Variants in MASP1 observed in about 807,000 individuals in gnomAD.
The protein encoded by MASP1 is mannan-binding lectin serine protease 1.
Under a neutral mutation model 77.1 loss-of-function variants are expected in MASP1, and 59 were observed. The ratio of observed to expected loss-of-function variants is 0.77; its 90% CI spans 0.62 to 0.95. MASP1 has a LOEUF of 0.95. Among genes scored for constraint, MASP1 ranks in the 40% least tolerant of loss-of-function variants. The pLI is 0.00. For synonymous variants in MASP1, 362 were observed against 354.5 expected, an observed-to-expected ratio of 1.02 and a Z score of -0.24; for missense variants, 885 against 912.9, an observed-to-expected ratio of 0.97 and a Z score of 0.39.
intron 4 of MASP1, 31 bp from the exon 5 acceptor site, chr3:187,256,891 A>T: frequency 6.3e-7 from 1 of 1,595,472 alleles, no homozygotes; most frequent in Non-Finnish European, 8.6e-7. Flanking sequence ...AAAATGGCGC[A>T]TCGCAACCAC....
At chr3:187,240,686 C>T (rs1713563533) in intron 10 of MASP1, among the ~76,000 whole-genome samples, 1 of 152,180 alleles carries the variant, frequency 6.6e-6, no homozygotes, top group Non-Finnish European at 1.5e-5. Context: ...GGCTGGAGTG[C>T]AATGGTGCAA....
intron 11 of MASP1, among the ~76,000 whole-genome samples, chr3:187,227,983 C>A (rs1282811242): frequency 6.6e-6 from 1 of 152,124 alleles, no homozygotes. Flanking sequence ...GACTGAATGA[C>A]AGGAGGGAGA....
intron 4 of MASP1, among the ~76,000 whole-genome samples, chr3:187,259,923 TCTGA>T: frequency 6.6e-6 from 1 of 152,170 alleles, no homozygotes; most frequent in East Asian, 1.9e-4. Flanking sequence ...CTACCACACT[TCTGA>T]CTGTTTGCAG....
intron 9 of MASP1, 116 bp from the exon 10 acceptor site, chr3:187,241,671 T>C (rs1713652607): frequency 1.3e-6 from 1 of 743,842 alleles, no homozygotes; most frequent in African/African-American, 1.7e-5. Context: ...GTCCTCCAAA[T>C]GGTCATCTAG....
chr3:187,256,646 T>C lies in MASP1; in HGVS notation c.744+18A>G. 6.2e-7 allele frequency: 1 copy of C among 1,613,190 alleles called. No homozygotes were observed. The highest frequency in any genetic ancestry group is 1.3e-5 in the African/African-American group (1 of 75,016). On this transcript the variant is annotated intron_variant, in intron 5 of 10. Transcript: ENST00000296280. ...GATTTTCCAGCATCTCCAGGACAAG[T>C]GTTCATTGCAGGCTCACCTTGATGT...
intron 8 of MASP1, chr3:187,247,136 A>T: frequency 6.9e-7 from 1 of 1,456,508 alleles, no homozygotes; most frequent in Admixed American, 2.6e-5. Flanking sequence ...ATGATGGGCA[A>T]ACCCTCAAGT....
chr3:187,271,291 T>C (rs1401323707), intron 2 of MASP1, among the ~76,000 whole-genome samples: 2 of 152,218 alleles, frequency 1.3e-5, no homozygotes, highest in Non-Finnish European at 2.9e-5. Flanking sequence ...TATCTGTTGG[T>C]TCCATATCTG....
intron 2 of MASP1, among the ~76,000 whole-genome samples, chr3:187,278,758 C>T (rs1266845630): frequency 6.6e-6 from 1 of 152,214 alleles, no homozygotes; most frequent in African/African-American, 2.4e-5. Context: ...GCACATCCTA[C>T]CTGCTCTTCC....
chr3:187,259,589 G>A (rs2108558020), intron 4 of MASP1, among the ~76,000 whole-genome samples: 1 of 152,226 alleles, frequency 6.6e-6, no homozygotes, highest in East Asian at 1.9e-4. Context: ...TCTGCCCTAA[G>A]CATTCTTGGC....
chr3:187,240,548 G>T (rs918250316), intron 10 of MASP1, among the ~76,000 whole-genome samples: 1 of 152,054 alleles, frequency 6.6e-6, no homozygotes, highest in Admixed American at 6.6e-5. Context: ...TTGTTTAACC[G>T]TAGAGTGTGC....
At chr3:187,256,893 C>A in intron 4 of MASP1, 33 bp from the exon 5 acceptor site, 1 of 1,589,180 alleles carries the variant, frequency 6.3e-7, no homozygotes, top group Non-Finnish European at 8.6e-7. Context: ...AATGGCGCAT[C>A]GCAACCACAG....
chr3:187,243,241 A>G lies in MASP1; in HGVS notation c.1228+243T>C, dbSNP rs567887970. On this transcript the variant is annotated intron_variant, in intron 9 of 10. Coordinates refer to ENST00000296280, the MANE Select transcript of MASP1 (RefSeq NM_139125.4). ...TCATTAGTAAATCAGTGCTAGCTTTAAAGTTAAAAACAAAAAAGCCTGCTT... is the reference window on the plus strand; with the variant it reads ...TCATTAGTAAATCAGTGCTAGCTTTGAAGTTAAAAACAAAAAAGCCTGCTT... 5.1e-5 allele frequency: 27 copies of G among 528,836 alleles called. No homozygotes were observed. In the South Asian group the frequency reaches 5.3e-4, roughly 10 times the overall value. 32.8% of individuals were successfully genotyped at this position (528,836 alleles called of 1,614,324 possible).
chr3:187,283,592 C>A (rs1717606926), intron 2 of MASP1, among the ~76,000 whole-genome samples: 1 of 152,150 alleles, frequency 6.6e-6, no homozygotes, highest in Non-Finnish European at 1.5e-5. Context: ...ATCCCTACAA[C>A]TGAGCAAAAA....
At chr3:187,241,663 C>T in intron 9 of MASP1, 108 bp from the exon 10 acceptor site, 4 of 778,086 alleles carry the variant, frequency 5.1e-6, no homozygotes, top group East Asian at 5.1e-5. Context: ...ATTACAAAGT[C>T]CTCCAAATGG....
downstream of MASP1, among the ~76,000 whole-genome samples, chr3:187,232,076 A>T (rs1560234200): frequency 6.6e-6 from 1 of 152,124 alleles, no homozygotes; most frequent in East Asian, 1.9e-4. Flanking sequence ...GGATGATGAT[A>T]GAGACTTGAT....
chr3:187,220,904 G>A (rs1041614112), intron 15 of MASP1: 10 of 710,250 alleles, frequency 1.4e-5, no homozygotes, highest in East Asian at 8.0e-5. Flanking sequence ...CTCCTCCCAC[G>A]GCCTTCCTCC....
chr3:187,263,903 C>T (rs1053300573), intron 2 of MASP1, among the ~76,000 whole-genome samples: 2 of 152,080 alleles, frequency 1.3e-5, no homozygotes, highest in Non-Finnish European at 2.9e-5. Context: ...CGTATCTATT[C>T]GATTATCTTA....
intron 8 of MASP1, chr3:187,247,116 T>C: frequency 2.1e-6 from 3 of 1,432,160 alleles, no homozygotes; most frequent in Admixed American, 2.8e-5. Context: ...TTTTCTGGAA[T>C]AGTGTTTGAA....
chr3:187,279,560 TG>T (rs1717246635), intron 2 of MASP1, among the ~76,000 whole-genome samples: 2 of 152,246 alleles, frequency 1.3e-5, no homozygotes, highest in Non-Finnish European at 2.9e-5. Context: ...GTATGTGATT[TG>T]GGGAGCACAT....
Sources: allele counts gnomAD v4.1 joint callset (sites outside exome capture counted in the v4.1 genomes callset), GRCh38; gene constraint gnomAD v4.1.1; transcripts MANE v1.5; gene names NCBI Gene and HGNC (gene_info 2026-07-23, HGNC 2026-07-21).